The following CDC42BPG variants were observed in gnomAD, a reference collection of about 807,000 sequenced individuals.
The protein encoded by CDC42BPG is CDC42 binding protein kinase gamma, also known as serine/threonine-protein kinase MRCK gamma.
Under a neutral mutation model 192.2 loss-of-function variants are expected in CDC42BPG, and 157 were observed. The ratio of observed to expected loss-of-function variants is 0.82; its 90% CI spans 0.72 to 0.93. The LOEUF (loss-of-function observed/expected upper bound fraction) is 0.93, where lower values mean the gene tolerates loss of function less well. Ranked by LOEUF, CDC42BPG falls within the 40% of genes least tolerant of loss-of-function variation. The pLI is 0.00. For synonymous variants in CDC42BPG, 981 were observed against 918.5 expected, an observed-to-expected ratio of 1.07 and a Z score of -1.23; for missense variants, 1,992 against 2,122.1, an observed-to-expected ratio of 0.94 and a Z score of 1.20.
At chr11:64,827,807 G>T in intron 30 of CDC42BPG, 24 bp from the exon 31 acceptor site, 2 of 1,573,338 alleles carry the variant, frequency 1.3e-6, no homozygotes, top group Non-Finnish European at 1.7e-6. Flanking sequence ...AGGCACCTCT[G>T]AGCTGTTTCC....
In CDC42BPG at chr11:64,834,883, T is replaced by C. The variant is rs1942899609; in HGVS notation, c.2141A>G (p.Asn714Ser). The change falls in exon 18 of 37, where the codon AAC becomes AGC. Residue 714 changes from asparagine to serine, a missense_variant. Coordinates refer to ENST00000342711, the MANE Select transcript of CDC42BPG (RefSeq NM_017525.3). ...GGCAGGGAGCGTCTGGGTGCCTACG[T>C]TCCTCAAGGACTCCAGCTCCTCTGC... ...KMAEELESLR[N>S]VGTQTLPARP... 5 of 1,613,942 alleles carry C rather than the reference T, an allele frequency of 3.1e-6. No homozygotes were observed. Among genetic ancestry groups the C allele is most frequent in the Non-Finnish European group, 4.2e-6 (5 of 1,179,984 alleles).
intron 3 of CDC42BPG, among the ~76,000 whole-genome samples, chr11:64,841,180 C>T (rs754935474): frequency 2.9e-5 from 4 of 136,280 alleles, no homozygotes; most frequent in Non-Finnish European, 6.3e-5. Flanking sequence ...AGGCTGGGCA[C>T]GGTGGTTCAC....
rs564463196 is a variant in CDC42BPG at position 64,836,376 on chromosome 11, A to G, written c.1488+51T>C. The G allele has an allele frequency of 8.6e-5, 138 of 1,601,630 alleles. No homozygotes were observed. In the African/African-American group the frequency reaches 1.6e-3, roughly 19 times the overall value. ...CCGTCCATGGAGCCCAGGGCCACTC[A>G]CCCACCTCACCCACCTCACCCAGCC... On this transcript the variant is annotated intron_variant, in intron 12 of 36. Coordinates refer to ENST00000342711, the MANE Select transcript of CDC42BPG (RefSeq NM_017525.3).
rs770531189 is a variant in CDC42BPG at position 64,833,772 on chromosome 11, A to T, written c.2531T>A (p.Leu844Gln). 2.5e-6 allele frequency: 4 copies of T among 1,614,196 alleles called. No homozygotes were observed. The highest frequency in any genetic ancestry group is 2.2e-5 in the East Asian group (1 of 44,872). ...CAGGCTGCGTCGGCCCTCCGGCCTC[A>T]GATCTGGCTCTCCTCCATGCCTTGT... ...EATRHGGEPD[L>Q]RPEGRRSLRM... Residue 844 changes from leucine (L) to glutamine (Q), a missense_variant, in exon 22 of 37, where the codon CTG (leucine) becomes CAG (glutamine). Coordinates refer to ENST00000342711, the MANE Select transcript of CDC42BPG (RefSeq NM_017525.3).
chr11:64,836,720 G>GC lies in CDC42BPG; in HGVS notation c.1384+18_1384+19insG, dbSNP rs1555173175. ...GGACTCAGCCCTGGGGGGGGGGGGGGGGTGGGCGGAAGGGATACCTGGCAG... is the reference window on the plus strand; with the variant it reads ...GGACTCAGCCCTGGGGGGGGGGGGGGCGGTGGGCGGAAGGGATACCTGGCAG... On this transcript the variant is annotated intron_variant, in intron 11 of 36. Transcript: ENST00000342711. The GC allele has an allele frequency of 1.3e-4, 110 of 843,738 alleles. 2 individuals carry two copies. The highest frequency in any genetic ancestry group is 6.6e-4 in the African/African-American group (32 of 48,828). 52.3% of individuals were successfully genotyped at this position (843,738 alleles called of 1,614,324 possible).
chr11:64,836,494 T>A lies in CDC42BPG; in HGVS notation c.1421A>T (p.Asp474Val). ...ACCTGGGCTACCAGCTGGGGGCCCA[T>A]CCGTCTGGGACAATGAGGCCTTGTC... ...LRDKASLSQTDGPPAGSPGQD... is the reference protein window; with the variant it reads ...LRDKASLSQTVGPPAGSPGQD... The change falls in exon 12 of 37, where the codon GAT becomes GTT. Residue 474 changes from aspartate (D) to valine (V), a missense_variant. Around this residue, in one of 2 missense-constraint regions of CDC42BPG, gnomAD observed 1,656 missense variants for 1,844.3 expected, o/e 0.90. Coordinates refer to ENST00000342711, the MANE Select transcript of CDC42BPG (RefSeq NM_017525.3). 6.2e-7 allele frequency: 1 copy of A among 1,613,318 alleles called. No homozygotes were observed. Among genetic ancestry groups the A allele is most frequent in the South Asian group, 1.1e-5 (1 of 91,068 alleles).
At position 64,836,720 on chromosome 11, in the gene CDC42BPG, G is replaced by GGGGGGGGGGGGGGA; in HGVS notation, c.1384+18_1384+19insTCCCCCCCCCCCCC. On this transcript the variant is annotated intron_variant, in intron 11 of 36. Coordinates refer to ENST00000342711, the MANE Select transcript of CDC42BPG (RefSeq NM_017525.3). Reference sequence around the variant, plus strand: ...GGACTCAGCCCTGGGGGGGGGGGGGGGGTGGGCGGAAGGGATACCTGGCAG... The same window carrying GGGGGGGGGGGGGGA: ...GGACTCAGCCCTGGGGGGGGGGGGGGGGGGGGGGGGGGGAGGTGGGCGGAAGGGATACCTGGCAG... The GGGGGGGGGGGGGGA allele has an allele frequency of 2.4e-6, 2 of 843,822 alleles. No individual in the cohort carries two copies. Among genetic ancestry groups the GGGGGGGGGGGGGGA allele is most frequent in the Non-Finnish European group, 3.4e-6 (2 of 584,546 alleles). The allele number at this position is 843,822 out of a possible 1,614,324, so 52.3% of individuals were successfully genotyped here.
At chr11:64,843,390 C>T (rs1943367071) in intron 1 of CDC42BPG, among the ~76,000 whole-genome samples, 2 of 152,018 alleles carry the variant, frequency 1.3e-5, no homozygotes, top group South Asian at 4.1e-4. Context: ...CGGAGGCATA[C>T]CAGGGAGACA....
rs762025494 is a variant in CDC42BPG, at chr11:64,836,429, G to A, written c.1486C>T (p.Arg496Trp). 1.4e-5 allele frequency: 21 copies of A among 1,468,940 alleles called. 1 individual carries two copies. Among genetic ancestry groups the A allele is most frequent in the South Asian group, 3.4e-5 (3 of 88,536 alleles). The allele number at this position is 1,468,940 out of a possible 1,614,324, so 91.0% of individuals were successfully genotyped here. A position where few individuals can be genotyped will look rare whatever the true frequency, so the allele number is the denominator to read the frequency against. Reference protein sequence around the residue: ...DLRQELDRLHRELAEGRAGLQ... With the variant: ...DLRQELDRLHWELAEGRAGLQ... Reference sequence around the variant, plus strand: ...CACCCACCTCACCCAGCCCTCACCCGGTGAAGTCGGTCAAGCTCCTGCCGT... The same window carrying A: ...CACCCACCTCACCCAGCCCTCACCCAGTGAAGTCGGTCAAGCTCCTGCCGT... Residue 496 changes from arginine to tryptophan, a missense_variant and splice_region_variant, in exon 12 of 37, where the codon CGG becomes TGG. By Grantham distance (101) the Arg-to-Trp change is moderately radical (BLOSUM62 -3). Transcript: ENST00000342711.
At chr11:64,836,714 G>GGGGGGGT in intron 11 of CDC42BPG, 25 bp downstream of exon 11, 1 of 866,540 alleles carries the variant, frequency 1.2e-6, no homozygotes. Context: ...CCTGGGGGGG[G>GGGGGGGT]GGGGGGGGTG....
At position 64,834,115 on chromosome 11, in the gene CDC42BPG, G is replaced by C. The variant is rs371106419; in HGVS notation, c.2414-138C>G. The C allele has an allele frequency of 1.2e-4, 172 of 1,416,554 alleles. No individual in the cohort carries two copies. In the East Asian group the frequency reaches 3.6e-3, roughly 30 times the overall value. The allele number at this position is 1,416,554 out of a possible 1,614,324, so 87.7% of individuals were successfully genotyped here. On this transcript the variant is annotated intron_variant, in intron 20 of 36. Transcript: ENST00000342711. ...AGGGCTGGGCACAGCAGGCACTCCA[G>C]AAGTGCTGGTCACAGATGATGGAGT...
intron 34 of CDC42BPG, 32 bp from the exon 35 acceptor site, chr11:64,826,826 T>C (rs1942444751): frequency 6.8e-7 from 1 of 1,473,834 alleles, no homozygotes; most frequent in East Asian, 2.4e-5. Context: ...GGGCTGGGAC[T>C]AGCAGGCACA....
At position 64,831,565 on chromosome 11, in the gene CDC42BPG, T is replaced by G. The variant is rs778771082; in HGVS notation, c.3244A>C (p.Lys1082Gln). The change falls in exon 28 of 37, where the codon AAG becomes CAG. Residue 1082 changes from lysine to glutamine, a missense_variant. By Grantham distance (53) the Lys-to-Gln change is moderately conservative. Around this residue, in one of 2 missense-constraint regions of CDC42BPG, gnomAD observed 1,656 missense variants for 1,844.3 expected, o/e 0.90. Coordinates refer to ENST00000342711, the MANE Select transcript of CDC42BPG (RefSeq NM_017525.3). ...GGCAGCCCGTTGTCGTAAGCCTCCT[T>G]GAGTGTGTACACGGGCCGGGGTCTT... is the stretch of plus-strand genomic sequence containing the variant. ...RPRPRPVYTL[K>Q]EAYDNGLPLL... is the part of the protein sequence containing the mutation. 1.1e-5 allele frequency: 17 copies of G among 1,612,504 alleles called. No individual in the cohort carries two copies. The highest frequency in any genetic ancestry group is 1.4e-5 in the Non-Finnish European group (17 of 1,179,898).
intron 10 of CDC42BPG, 48 bp from the exon 11 acceptor site, chr11:64,836,867 C>A: frequency 6.2e-7 from 1 of 1,610,184 alleles, no homozygotes; most frequent in South Asian, 1.1e-5. Context: ...TCCATTCCCG[C>A]AGCAGCAGCC....
At position 64,835,760 on chromosome 11, in the gene CDC42BPG, A is replaced by G; in HGVS notation, c.1758+2T>C. On this transcript the variant is annotated splice_donor_variant, in intron 14 of 36. Transcript: ENST00000342711. LOFTEE classifies it high-confidence loss of function. Reference sequence around the variant, plus strand: ...TCTTGCCAAGGGGGAGGACTTGACTACCTTGGCCTGGGACGACTCCTCAAG... The same window carrying G: ...TCTTGCCAAGGGGGAGGACTTGACTGCCTTGGCCTGGGACGACTCCTCAAG... 6.2e-7 allele frequency: 1 copy of G among 1,613,206 alleles called. No individual in the cohort carries two copies. The highest frequency in any genetic ancestry group is 8.5e-7 in the Non-Finnish European group (1 of 1,179,854).
chr11:64,831,423 G>A, intron 28 of CDC42BPG, 82 bp downstream of exon 28: 1 of 1,271,546 alleles, frequency 7.9e-7, no homozygotes, highest in Non-Finnish European at 1.1e-6. Flanking sequence ...ATGGGCAGTA[G>A]CAGTGGCCCT....
At chr11:64,836,632 T>G in intron 11 of CDC42BPG, 102 bp from the exon 12 acceptor site, 1 of 1,122,728 alleles carries the variant, frequency 8.9e-7, no homozygotes, top group East Asian at 3.1e-5. Context: ...GCTCAGAGAG[T>G]ATAAAATGCT....
chr11:64,827,822 C>T (rs1942507198), intron 30 of CDC42BPG, 39 bp from the exon 31 acceptor site: 1 of 1,533,608 alleles, frequency 6.5e-7, no homozygotes, highest in African/African-American at 1.4e-5. Context: ...GTTTCCCCCT[C>T]TGTTCCACAG....
rs1424790159 is a variant in CDC42BPG, at chr11:64,827,318, A to T, written c.4231T>A (p.Phe1411Ile). The change falls in exon 33 of 37, where the codon TTT (phenylalanine) becomes ATT (isoleucine). Residue 1411 changes from phenylalanine to isoleucine, a missense_variant. Physicochemically the swap from Phe to Ile is conservative, Grantham distance 21. Around this residue, in one of 2 missense-constraint regions of CDC42BPG, gnomAD observed 336 missense variants for 277.9 expected, o/e 1.21. Coordinates refer to ENST00000342711, the MANE Select transcript of CDC42BPG (RefSeq NM_017525.3). ...LFRTKSKRRF[F>I]FRVSEEQQKQ... ...TGCTGCTCCTCCGACACGCGGAAAA[A>T]GAAGCGGCGCTTGCTCTTGGTGCGG... is the stretch of plus-strand genomic sequence containing the variant. The T allele has an allele frequency of 5.0e-6, 8 of 1,613,840 alleles. No homozygotes were observed. In the African/African-American group the frequency reaches 1.1e-4, roughly 22 times the overall value.
Sources: allele counts gnomAD v4.1 joint callset (sites outside exome capture counted in the v4.1 genomes callset), GRCh38; gene constraint gnomAD v4.1.1; regional missense constraint gnomAD v4.1.1; transcripts MANE v1.5; gene names NCBI Gene and HGNC (gene_info 2026-07-23, HGNC 2026-07-21).